Variants in ZBTB40 observed in about 807,000 individuals in gnomAD.
ZBTB40 encodes the protein zinc finger and BTB domain containing 40, also known as zinc finger and BTB domain-containing protein 40.
Under a neutral mutation model 117.5 loss-of-function variants are expected in ZBTB40, and 60 were observed. The observed-to-expected ratio is 0.51, with a 90% CI of 0.41 to 0.63. The LOEUF is 0.63. Ranked by LOEUF, ZBTB40 falls within the 30% of genes least tolerant of loss-of-function variation. The pLI is 0.00. For missense variants in ZBTB40, 1,287 were observed against 1,498.5 expected, an observed-to-expected ratio of 0.86 and a Z score of 2.33; for synonymous variants, 525 against 577.1, an observed-to-expected ratio of 0.91 and a Z score of 1.29.
At chr1:22,444,357 T>C (rs1363405634) in intron 1 of ZBTB40, among the ~76,000 whole-genome samples, 1 of 152,020 alleles carries the variant, frequency 6.6e-6, no homozygotes, top group African/African-American at 2.4e-5. Flanking sequence ...GAGTCAGAGG[T>C]TGCAGTGAAC....
Position 22,454,285 on chromosome 1 carries a change from A to G in ZBTB40, c.-70+2281A>G, listed in dbSNP as rs72871690. On this transcript the variant is annotated intron_variant, in intron 1 of 17. Transcript: ENST00000375647. ...AATATTTTAGTGTCTCCATGTACCAAGCACCACTGTCTAGGTCCTGTGATT... is the reference window on the plus strand; with the variant it reads ...AATATTTTAGTGTCTCCATGTACCAGGCACCACTGTCTAGGTCCTGTGATT... 6.8e-3 allele frequency among the ~76,000 whole-genome samples: 1,038 copies of G among 152,336 alleles called. 8 individuals are homozygous for G. The highest frequency in any genetic ancestry group is 0.024 in the African/African-American group (992 of 41,572).
chr1:22,526,232 A>G lies in ZBTB40; in HGVS notation c.3556A>G (p.Thr1186Ala), dbSNP rs768794651. 1 of 1,614,162 alleles carries G rather than the reference A, an allele frequency of 6.2e-7. No individual in the cohort carries two copies. The highest frequency in any genetic ancestry group is 1.1e-5 in the South Asian group (1 of 91,078). ...VIQTPEPVAP[T>A]EQVITLEETQ... ...CCAAACCCCAGAGCCGGTGGCCCCG[A>G]CAGAGCAGGTGATCACTTTGGAGGA... is the stretch of plus-strand genomic sequence containing the variant. Residue 1186 changes from threonine to alanine, a missense_variant, in exon 18 of 18, where the codon ACA becomes GCA. This residue lies in a region of ZBTB40 where 417 missense variants were observed against 564.1 expected (regional missense o/e 0.74). Coordinates refer to ENST00000375647, the MANE Select transcript of ZBTB40 (RefSeq NM_014870.4).
At position 22,521,591 on chromosome 1, in the gene ZBTB40, C is replaced by T. The variant is rs751145934; in HGVS notation, c.3144C>T (p.Cys1048=). ...HRSSKFSSLQ[C]SSCDKTFPNT... ...CTTCCAAGTTCTCATCACTCCAGTG[C>T]AGCTCCTGTGACAAAACCTTCCCCA... Residue 1048 remains cysteine (C), a synonymous_variant, in exon 15 of 18, where the codon TGC becomes TGT. Coordinates refer to ENST00000375647, the MANE Select transcript of ZBTB40 (RefSeq NM_014870.4). The T allele has an allele frequency of 2.5e-6, 4 of 1,614,204 alleles. No individual in the cohort carries two copies. The highest frequency in any genetic ancestry group is 3.4e-6 in the Non-Finnish European group (4 of 1,180,036).
At chr1:22,490,985 T>C (rs1160629245) in intron 2 of ZBTB40, among the ~76,000 whole-genome samples, 6 of 152,226 alleles carry the variant, frequency 3.9e-5, no homozygotes, top group African/African-American at 1.4e-4. Flanking sequence ...AACCTCCGCC[T>C]CCTGGGTTCA....
In ZBTB40 at chr1:22,522,945, C is replaced by CTTTTTTTTTTTTTTTTTTTTTTTT. The variant is rs34232963; in HGVS notation, c.3298+502_3298+503insTTTTTTTTTTTTTTTTTTTTTTTT. 1.2e-4 allele frequency among the ~76,000 whole-genome samples: 11 copies of CTTTTTTTTTTTTTTTTTTTTTTTT among 93,910 alleles called. 2 individuals carry two copies. The highest frequency in any genetic ancestry group is 7.9e-4 in the East Asian group (2 of 2,524). 61.6% of individuals were successfully genotyped at this position (93,910 alleles called of 152,430 possible). On this transcript the variant is annotated intron_variant, in intron 16 of 17. Coordinates refer to ENST00000375647, the MANE Select transcript of ZBTB40 (RefSeq NM_014870.4). ...CCATGCTCGACTAAATAAGATGTAC[C>CTTTTTTTTTTTTTTTTTTTTTTTT]TTTTTTTTTTTTTTTTTTTTGAGAT...
chr1:22,478,689 C>A (rs530705622), intron 1 of ZBTB40, among the ~76,000 whole-genome samples: 1 of 152,298 alleles, frequency 6.6e-6, no homozygotes, highest in African/African-American at 2.4e-5. Flanking sequence ...GTGGTAGCTA[C>A]TATGATTGTC....
chr1:22,476,568 T>A (rs950274966), intron 1 of ZBTB40, among the ~76,000 whole-genome samples: 3 of 152,354 alleles, frequency 2.0e-5, no homozygotes, highest in Admixed American at 2.0e-4. Context: ...AAAATTTAAA[T>A]GAATAAATAT....
At chr1:22,451,013 T>C (rs138122774), upstream of ZBTB40, among the ~76,000 whole-genome samples, 140 of 152,266 alleles carry the variant, frequency 9.2e-4, 3 homozygotes, top group East Asian at 0.024. Context: ...TAAATGTTTG[T>C]GTAAGGAAGG....
chr1:22,459,025 G>A (rs951105567), intron 1 of ZBTB40, among the ~76,000 whole-genome samples: 5 of 152,116 alleles, frequency 3.3e-5, no homozygotes, highest in African/African-American at 1.2e-4. Flanking sequence ...AAAGTTTTGG[G>A]GTTTTGCCAA....
At position 22,431,362 on chromosome 1, in the gene ZBTB40, T is replaced by TTGTGTG. The variant is rs1179435023; in HGVS notation, c.-70+2366_-70+2371dup. 3.4e-3 allele frequency among the ~76,000 whole-genome samples: 387 copies of TTGTGTG among 112,844 alleles called. 1 individual carries two copies. The highest frequency in any genetic ancestry group is 0.015 in the African/African-American group (356 of 23,996). The allele number at this position is 112,844 out of a possible 152,430, so 74.0% of individuals were successfully genotyped here. A position where few individuals can be genotyped will look rare whatever the true frequency, so the allele number is the denominator to read the frequency against. On this transcript the variant is annotated intron_variant, in intron 1 of 8. Coordinates refer to the ZBTB40 transcript ENST00000650433. ...TATATAGTGTATATACATATATATT[T>TTGTGTG]TGTGTGTGTGTGTGTGTGTGTGTAT... is the stretch of plus-strand genomic sequence containing the variant.
Position 22,526,241 on chromosome 1 carries a change from G to T in ZBTB40, c.3565G>T (p.Val1189Leu), listed in dbSNP as rs773206701. The change falls in exon 18 of 18, where the codon GTG (valine) becomes TTG (leucine). Residue 1189 changes from valine (V) to leucine (L), a missense_variant. Val to Leu is a conservative substitution (Grantham distance 32, BLOSUM62 1). This residue lies in a region of ZBTB40 where 417 missense variants were observed against 564.1 expected (regional missense o/e 0.74). Coordinates refer to ENST00000375647, the MANE Select transcript of ZBTB40 (RefSeq NM_014870.4). ...TPEPVAPTEQ[V>L]ITLEETQLAG... ...AGAGCCGGTGGCCCCGACAGAGCAG[G>T]TGATCACTTTGGAGGAGACCCAGCT... is the stretch of plus-strand genomic sequence containing the variant. 6.8e-6 allele frequency: 11 copies of T among 1,614,064 alleles called. No homozygotes were observed. The highest frequency in any genetic ancestry group is 9.3e-6 in the Non-Finnish European group (11 of 1,180,040).
intron 1 of ZBTB40, among the ~76,000 whole-genome samples, chr1:22,457,507 G>C (rs987635717): frequency 6.6e-6 from 1 of 152,160 alleles, no homozygotes; most frequent in African/African-American, 2.4e-5. Context: ...CCATCTGTCT[G>C]ACCCCTGGAG....
chr1:22,449,625 A>G (rs964800021), upstream of ZBTB40, among the ~76,000 whole-genome samples: 6 of 152,218 alleles, frequency 3.9e-5, no homozygotes, highest in African/African-American at 1.4e-4. Flanking sequence ...TGTCTAAAAC[A>G]ATCCCCCCAG....
At chr1:22,479,363 A>G (rs1005343315) in intron 1 of ZBTB40, among the ~76,000 whole-genome samples, 8 of 152,086 alleles carry the variant, frequency 5.3e-5, no homozygotes, top group African/African-American at 9.7e-5. Flanking sequence ...TCCTTCTTAT[A>G]GTAATTCTTT....
intron 1 of ZBTB40, among the ~76,000 whole-genome samples, chr1:22,452,223 G>C (rs1640894123): frequency 6.6e-6 from 1 of 152,116 alleles, no homozygotes; most frequent in Admixed American, 6.5e-5. Flanking sequence ...GGAGGGGAGA[G>C]ACCGCGGGGA....
At chr1:22,518,026 A>G (rs1639421747) in intron 13 of ZBTB40, among the ~76,000 whole-genome samples, 1 of 152,262 alleles carries the variant, frequency 6.6e-6, no homozygotes. Context: ...GCATGCGTGC[A>G]TGCGTGGGCA....
chr1:22,429,930 A>G (rs934059202), intron 1 of ZBTB40, among the ~76,000 whole-genome samples: 1 of 152,074 alleles, frequency 6.6e-6, no homozygotes, highest in African/African-American at 2.4e-5. Flanking sequence ...CGGGAGGCGG[A>G]GGGTTGCGGT....
At chr1:22,468,256 G>A (rs1009669146) in intron 1 of ZBTB40, among the ~76,000 whole-genome samples, 3 of 152,066 alleles carry the variant, frequency 2.0e-5, no homozygotes, top group Non-Finnish European at 4.4e-5. Context: ...CACCGAGTAA[G>A]TGTTCAAGTT....
At chr1:22,490,718 A>G in intron 2 of ZBTB40, 73 bp downstream of exon 2, 2 of 1,545,226 alleles carry the variant, frequency 1.3e-6, no homozygotes, top group Non-Finnish European at 1.8e-6. Context: ...TTGATTAATA[A>G]ATTTATCAAA....
Sources: allele counts gnomAD v4.1 joint callset (sites outside exome capture counted in the v4.1 genomes callset), GRCh38; gene constraint gnomAD v4.1.1; regional missense constraint gnomAD v4.1.1; transcripts MANE v1.5; gene names NCBI Gene and HGNC (gene_info 2026-07-23, HGNC 2026-07-21).